The following PPP2R2B variants were observed in gnomAD, a reference collection of about 807,000 sequenced individuals.
PPP2R2B encodes serine/threonine-protein phosphatase 2A 55 kDa regulatory subunit B beta isoform.
Under a neutral mutation model 46.0 loss-of-function variants are expected in PPP2R2B, and 5 were observed. The ratio of observed to expected loss-of-function variants is 0.11; its 90% CI spans 0.06 to 0.23. The LOEUF (loss-of-function observed/expected upper bound fraction) is 0.23, where lower values mean the gene tolerates loss of function less well. PPP2R2B is among the 10% of genes least tolerant of loss of function. PPP2R2B has a pLI of 1.00. For synonymous variants in PPP2R2B, 215 were observed against 206.7 expected (o/e 1.04, Z -0.34); for missense variants, 367 against 575.0 (o/e 0.64, Z 3.70).
chr5:146,841,280 T>C (rs1001874867), intron 2 of PPP2R2B, among the ~76,000 whole-genome samples: 2 of 152,222 alleles, frequency 1.3e-5, no homozygotes, highest in African/African-American at 4.8e-5. Flanking sequence ...TCCCATCTCA[T>C]CCAAAAGGCA....
At chr5:146,681,311 AAGTC>A (rs2151137204) in intron 5 of PPP2R2B, among the ~76,000 whole-genome samples, 2 of 152,246 alleles carry the variant, frequency 1.3e-5, no homozygotes, top group Admixed American at 1.3e-4. Flanking sequence ...AAATAAATAA[AAGTC>A]AGCTCTTTAC....
At chr5:146,887,116 T>C (rs1203288581) in intron 1 of PPP2R2B, among the ~76,000 whole-genome samples, 2 of 152,072 alleles carry the variant, frequency 1.3e-5, no homozygotes, top group Non-Finnish European at 2.9e-5. Flanking sequence ...TTTTTGAAGA[T>C]AAAATTATCT....
At chr5:146,896,857 A>C (rs1160771403) in intron 1 of PPP2R2B, among the ~76,000 whole-genome samples, 1 of 152,118 alleles carries the variant, frequency 6.6e-6, no homozygotes, top group Admixed American at 6.6e-5. Context: ...TCAGACTGTC[A>C]AAAAAAGATG....
At chr5:146,814,823 T>A (rs113403921) in intron 2 of PPP2R2B, among the ~76,000 whole-genome samples, 2 of 152,072 alleles carry the variant, frequency 1.3e-5, no homozygotes, top group African/African-American at 4.8e-5. Flanking sequence ...AAACCCCAAG[T>A]CAAAAGTCAA....
At chr5:146,828,614 C>T (rs185582360) in intron 2 of PPP2R2B, among the ~76,000 whole-genome samples, 6 of 152,278 alleles carry the variant, frequency 3.9e-5, no homozygotes, top group African/African-American at 1.2e-4. Flanking sequence ...GTAGAGACAG[C>T]CAGATGGAGA....
chr5:147,030,695 T>C lies in PPP2R2B; in HGVS notation c.79+24970A>G, dbSNP rs192725306. Among the ~76,000 whole-genome samples the C allele has an allele frequency of 6.2e-4, 95 of 152,296 alleles. 1 individual carries two copies. The highest frequency in any genetic ancestry group is 2.1e-3 in the African/African-American group (89 of 41,572). ...AACATACATCTATTAATTATTAAAGTCTAATTTATATTAGCTATCTTACTA... is the reference window on the plus strand; with the variant it reads ...AACATACATCTATTAATTATTAAAGCCTAATTTATATTAGCTATCTTACTA... On this transcript the variant is annotated intron_variant, in intron 1 of 8. Coordinates refer to the PPP2R2B transcript ENST00000336640.
At chr5:146,991,107 T>C (rs1485166020) in intron 1 of PPP2R2B, among the ~76,000 whole-genome samples, 1 of 152,090 alleles carries the variant, frequency 6.6e-6, no homozygotes, top group Non-Finnish European at 1.5e-5. Flanking sequence ...AAGGGAATTC[T>C]TGTACACTCT....
intron 1 of PPP2R2B, among the ~76,000 whole-genome samples, chr5:146,938,135 T>C (rs1263548035): frequency 6.6e-6 from 1 of 152,118 alleles, no homozygotes; most frequent in Non-Finnish European, 1.5e-5. Flanking sequence ...AACACACTAT[T>C]GATTATAGGG....
intron 2 of PPP2R2B, among the ~76,000 whole-genome samples, chr5:146,714,992 T>G (rs1033466960): frequency 6.6e-5 from 10 of 152,180 alleles, no homozygotes; most frequent in African/African-American, 2.4e-4. Context: ...TCATATACAC[T>G]TTAAAGTGAT....
At chr5:146,908,877 C>T (rs1763089400) in intron 1 of PPP2R2B, among the ~76,000 whole-genome samples, 1 of 151,962 alleles carries the variant, frequency 6.6e-6, no homozygotes, top group South Asian at 2.1e-4. Context: ...TCACGGCTCA[C>T]TGCAGCCTCA....
chr5:146,806,928 T>C (rs1757213931), intron 2 of PPP2R2B, among the ~76,000 whole-genome samples: 1 of 152,194 alleles, frequency 6.6e-6, no homozygotes, highest in African/African-American at 2.4e-5. Context: ...TACTTCTCAT[T>C]GTCCCATGAC....
At chr5:146,788,968 T>G (rs1756020300) in intron 2 of PPP2R2B, among the ~76,000 whole-genome samples, 1 of 152,122 alleles carries the variant, frequency 6.6e-6, no homozygotes, top group African/African-American at 2.4e-5. Context: ...AAATATTTGT[T>G]GAATAAATGA....
At chr5:146,700,665 T>C (rs1339996685) in intron 3 of PPP2R2B, among the ~76,000 whole-genome samples, 2 of 152,246 alleles carry the variant, frequency 1.3e-5, no homozygotes, top group Non-Finnish European at 2.9e-5. Flanking sequence ...TAAACTATGT[T>C]TTTTTCCTCC....
At chr5:146,769,764 C>T (rs948702737) in intron 2 of PPP2R2B, among the ~76,000 whole-genome samples, 1 of 152,136 alleles carries the variant, frequency 6.6e-6, no homozygotes, top group Non-Finnish European at 1.5e-5. Context: ...CAAACACGAG[C>T]AAGTCCTTGT....
intron 1 of PPP2R2B, among the ~76,000 whole-genome samples, chr5:146,893,910 G>A (rs902153971): frequency 1.6e-4 from 24 of 150,356 alleles, no homozygotes; most frequent in African/African-American, 4.6e-4. Context: ...GCCGGGCATG[G>A]TGATGGGTAC....
chr5:146,694,794 T>A (rs1276598447), intron 4 of PPP2R2B, among the ~76,000 whole-genome samples: 1 of 149,612 alleles, frequency 6.7e-6, no homozygotes, highest in East Asian at 2.2e-4. Flanking sequence ...TTATACAAAT[T>A]TTGTGATTTC....
intron 2 of PPP2R2B, among the ~76,000 whole-genome samples, chr5:146,867,358 G>C (rs1271958448): frequency 6.6e-6 from 1 of 152,062 alleles, no homozygotes; most frequent in South Asian, 2.1e-4. Flanking sequence ...TCAAAGGTAA[G>C]GTCTTGATTC....
intron 2 of PPP2R2B, among the ~76,000 whole-genome samples, chr5:146,803,837 T>A (rs1307871760): frequency 2.0e-5 from 3 of 152,184 alleles, no homozygotes; most frequent in African/African-American, 7.2e-5. Flanking sequence ...CAGTGCTTGC[T>A]TCATGTAGTT....
chr5:146,670,646 C>T (rs1271074677), intron 5 of PPP2R2B, among the ~76,000 whole-genome samples: 1 of 151,962 alleles, frequency 6.6e-6, no homozygotes, highest in Admixed American at 6.6e-5. Context: ...CATGCATGTG[C>T]CACCAGGCCT....
Sources: gnomAD v4.1 joint callset for allele counts (sites outside exome capture counted in the v4.1 genomes callset) on GRCh38, gnomAD v4.1.1 for gene constraint, MANE v1.5 for transcripts, NCBI Gene and HGNC (gene_info 2026-07-23, HGNC 2026-07-21) for gene names.